The following NFIB variants were observed in gnomAD, a reference collection of about 807,000 sequenced individuals.
NFIB encodes the protein nuclear factor 1 B-type.
In NFIB, 11 loss-of-function variants were observed where a neutral mutation model predicts 61.5. The ratio of observed to expected loss-of-function variants is 0.18; its 90% CI spans 0.11 to 0.30. The LOEUF (loss-of-function observed/expected upper bound fraction) is 0.30. Ranked by LOEUF, NFIB falls within the 10% of genes least tolerant of loss-of-function variation. The probability of loss-of-function intolerance (pLI) is 1.00; values close to 1 mark genes in which losing one functional copy is unlikely to be tolerated. For missense variants in NFIB, 471 were observed against 608.9 expected, an observed-to-expected ratio of 0.77 and a Z score of 2.38; for synonymous variants, 260 against 216.5, an observed-to-expected ratio of 1.20 and a Z score of -1.76.
At position 14,350,095 on chromosome 9, in the gene NFIB, C is replaced by G. The variant is rs376049016; in HGVS notation, c.109-42575G>C. Among the ~76,000 whole-genome samples, 44 of 152,294 alleles carry G rather than the reference C, an allele frequency of 2.9e-4. No homozygotes were observed. In the South Asian group the frequency reaches 6.2e-3, roughly 21 times the overall value. ...GTCGTTTGGCGGCCCCGGGGACCCT[C>G]CTGGGCCTGGGAAACCCGGAGTATT... On this transcript the variant is annotated intron_variant, in intron 1 of 8. Transcript: ENST00000380934.
intron 2 of NFIB, among the ~76,000 whole-genome samples, chr9:14,230,234 G>A (rs550768934): frequency 8.5e-5 from 13 of 152,248 alleles, no homozygotes; most frequent in African/African-American, 2.9e-4. Flanking sequence ...AATTCATTCA[G>A]GTTCTATGAA....
chr9:14,375,422 C>T (rs996485948), intron 1 of NFIB, among the ~76,000 whole-genome samples: 2 of 152,142 alleles, frequency 1.3e-5, no homozygotes, highest in Non-Finnish European at 2.9e-5. Context: ...CTTTGGGAGG[C>T]CAAGGTGGGT....
Position 14,307,605 on chromosome 9 carries a change from C to A in NFIB, c.31-85G>T. The A allele has an allele frequency of 1.5e-6, 2 of 1,317,408 alleles. No individual in the cohort carries two copies. The highest frequency in any genetic ancestry group is 1.7e-5 in the South Asian group (1 of 58,916). 81.6% of individuals were successfully genotyped at this position (1,317,408 alleles called of 1,614,324 possible). On this transcript the variant is annotated intron_variant, in intron 1 of 10. Coordinates refer to ENST00000380953, the MANE Select transcript of NFIB (RefSeq NM_001190737.2). The surrounding 1 kb of genome is among the most constrained non-coding windows in gnomAD (Gnocchi z 5.3). ...AAAAAATAAGAAAAGAAGACCACAA[C>A]CCGTTTCCAATTCAGTACAAAAAGT...
the NFIB span, among the ~76,000 whole-genome samples, chr9:14,451,828 G>A: frequency 6.6e-6 from 1 of 152,024 alleles, no homozygotes; most frequent in South Asian, 2.1e-4. Context: ...GAATTTTCAT[G>A]AAAATGTTTA....
chr9:14,410,144 A>G, the NFIB span, among the ~76,000 whole-genome samples: 1 of 151,968 alleles, frequency 6.6e-6, no homozygotes, highest in African/African-American at 2.4e-5. Context: ...ACAGTAAGTG[A>G]CATGAGACAA....
At chr9:14,339,979 G>A (rs1266915763) in intron 1 of NFIB, among the ~76,000 whole-genome samples, 1 of 152,188 alleles carries the variant, frequency 6.6e-6, no homozygotes, top group Non-Finnish European at 1.5e-5. Context: ...TGCACCGTAA[G>A]GCTGGAGTAT....
At chr9:14,180,090 T>C (rs10756534) in intron 2 of NFIB, among the ~76,000 whole-genome samples, 131,902 of 152,198 alleles carry the variant, frequency 0.87, 60,012 homozygotes, top group Non-Finnish European at 0.99. Context: ...TAGGCAAATA[T>C]TGAGGCCTGT....
the NFIB span, among the ~76,000 whole-genome samples, chr9:14,531,708 C>T: frequency 6.8e-6 from 1 of 146,198 alleles, no homozygotes; most frequent in African/African-American, 2.5e-5. Flanking sequence ...AAAAAGGGAA[C>T]AAAAACTCAT....
the NFIB span, among the ~76,000 whole-genome samples, chr9:14,515,460 T>TA: frequency 1.3e-5 from 2 of 152,102 alleles, no homozygotes; most frequent in Non-Finnish European, 2.9e-5. Context: ...ACTAACTCGG[T>TA]AGGCAAGGTG....
the NFIB span, among the ~76,000 whole-genome samples, chr9:14,441,134 CAAAA>C: frequency 5.9e-5 from 6 of 100,986 alleles, no homozygotes; most frequent in Admixed American, 1.0e-4. Context: ...TGAGTGGGTT[CAAAA>C]AAAAAAAAAA....
At chr9:14,224,772 C>A (rs552187043) in intron 2 of NFIB, among the ~76,000 whole-genome samples, 2 of 152,242 alleles carry the variant, frequency 1.3e-5, no homozygotes, top group East Asian at 3.9e-4. Context: ...AGAACCAATT[C>A]CCCCAAAATA....
intron 2 of NFIB, among the ~76,000 whole-genome samples, chr9:14,294,613 T>C (rs145233519): frequency 3.2e-4 from 48 of 152,346 alleles, no homozygotes; most frequent in African/African-American, 1.1e-3. Context: ...TGCCACAGAT[T>C]ATTAAAAATT....
the NFIB span, among the ~76,000 whole-genome samples, chr9:14,471,807 A>G: frequency 3.9e-5 from 6 of 152,326 alleles, no homozygotes; most frequent in Admixed American, 1.3e-4. Context: ...TACAGAAACC[A>G]CAGTTATTTC....
chr9:14,378,271 C>G (rs1281637513), intron 1 of NFIB, among the ~76,000 whole-genome samples: 1 of 152,206 alleles, frequency 6.6e-6, no homozygotes, highest in Non-Finnish European at 1.5e-5. Flanking sequence ...ATATCTGGTT[C>G]ATATGTAGGG....
intron 10 of NFIB, among the ~76,000 whole-genome samples, chr9:14,098,753 T>C (rs1354067729): frequency 6.6e-6 from 1 of 152,218 alleles, no homozygotes; most frequent in Non-Finnish European, 1.5e-5. Flanking sequence ...GACCTTTCAC[T>C]TAGGCAGAAA....
At chr9:14,315,024 G>C (rs997740542), upstream of NFIB, among the ~76,000 whole-genome samples, 5 of 152,044 alleles carry the variant, frequency 3.3e-5, no homozygotes, top group African/African-American at 1.2e-4. Context: ...GCTGGGGCGC[G>C]GACACTCGCA....
chr9:14,432,883 T>C, the NFIB span, among the ~76,000 whole-genome samples: 1 of 152,252 alleles, frequency 6.6e-6, no homozygotes, highest in East Asian at 1.9e-4. Context: ...GAGATATTTA[T>C]TGCAGTTTTT....
the NFIB span, among the ~76,000 whole-genome samples, chr9:14,447,636 T>C: frequency 6.6e-6 from 1 of 152,136 alleles, no homozygotes; most frequent in Non-Finnish European, 1.5e-5. Context: ...TTCTTTGTAG[T>C]TTTCTGGTTG....
At chr9:14,190,356 A>G (rs1242570145) in intron 2 of NFIB, among the ~76,000 whole-genome samples, 1 of 152,214 alleles carries the variant, frequency 6.6e-6, no homozygotes, top group Non-Finnish European at 1.5e-5. Flanking sequence ...CTACAAAGGT[A>G]AAGTAGATTT....
Sources: gnomAD v4.1 joint callset for allele counts (sites outside exome capture counted in the v4.1 genomes callset) on GRCh38, gnomAD v4.1.1 for gene constraint, Gnocchi (gnomAD v3.1) non-coding constraint, MANE v1.5 for transcripts, NCBI Gene and HGNC (gene_info 2026-07-23, HGNC 2026-07-21) for gene names.